SNX31: variants seen among roughly 807,000 people sequenced by gnomAD.
SNX31 encodes the protein sorting nexin 31, also known as sorting nexin-31.
Under a neutral mutation model 65.4 loss-of-function variants are expected in SNX31, and 58 were observed. The ratio of observed to expected loss-of-function variants is 0.89; its 90% confidence interval spans 0.72 to 1.10. The LOEUF is 1.10. Ranked by LOEUF, SNX31 falls within the 50% of genes least tolerant of loss-of-function variation. The pLI, the probability that SNX31 is intolerant of heterozygous loss-of-function variation, is 0.00. For missense variants in SNX31, 523 were observed against 529.7 expected (o/e 0.99, Z 0.12); for synonymous variants, 181 against 190.1 (o/e 0.95, Z 0.39).
intron 12 of SNX31, among the ~76,000 whole-genome samples, chr8:100,580,979 T>G (rs1222198989): frequency 6.6e-6 from 1 of 152,142 alleles, no homozygotes; most frequent in Non-Finnish European, 1.5e-5. Context: ...TACACTTTTT[T>G]TTTCTTCCAG....
intron 3 of SNX31, among the ~76,000 whole-genome samples, chr8:100,633,727 AAAAGAT>A (rs1818563809): frequency 6.6e-6 from 1 of 152,204 alleles, no homozygotes; most frequent in Non-Finnish European, 1.5e-5. Context: ...GAGTCTAAAA[AAAAGAT>A]ATAGAGAGAT....
At chr8:100,618,400 G>T in intron 4 of SNX31, 3 of 1,370,464 alleles carry the variant, frequency 2.2e-6, no homozygotes, top group Non-Finnish European at 2.0e-6. Flanking sequence ...AATTGTGGGT[G>T]GGGGCAGGGG....
rs2130965751 is a variant in SNX31, at chr8:100,604,519, C to T, written c.681+3975G>A. Among the ~76,000 whole-genome samples, 2 of 152,314 alleles carry T rather than the reference C, an allele frequency of 1.3e-5. No homozygotes were observed. Among genetic ancestry groups the T allele is most frequent in the South Asian group, 2.1e-4 (1 of 4,828 alleles). On this transcript the variant is annotated intron_variant, in intron 8 of 13. Coordinates refer to ENST00000311812, the MANE Select transcript of SNX31 (RefSeq NM_152628.4). This position sits in a 1 kb window ranked among gnomAD's most constrained non-coding sequence, Gnocchi z 4.3. ...GGAGTCAGGAAGCCAAAGGTCAGCC[C>T]CCCTCCACTCACCAAGCCATGGGCC...
chr8:100,573,919 A>C lies in SNX31; in HGVS notation c.1269T>G (p.Ile423Met), dbSNP rs141889730. ...YSSFLSRKSK[I>M]KIAKDDCVFG... is the part of the protein sequence containing the mutation. ...AAACGCAGTCATCTTTAGCTATCTT[A>C]ATCTTGCTTTTTCTTGATAGAAAAC... is the stretch of plus-strand genomic sequence containing the variant. Residue 423 changes from isoleucine to methionine, a missense_variant, in exon 14 of 14, where the codon ATT becomes ATG. Coordinates refer to ENST00000311812, the MANE Select transcript of SNX31 (RefSeq NM_152628.4). 8.4e-5 allele frequency: 134 copies of C among 1,588,592 alleles called. No individual in the cohort carries two copies. Among genetic ancestry groups the C allele is most frequent in the Non-Finnish European group, 1.1e-4 (132 of 1,169,582 alleles).
At chr8:100,658,869 C>T (rs1336250470) in intron 1 of SNX31, among the ~76,000 whole-genome samples, 1 of 152,182 alleles carries the variant, frequency 6.6e-6, no homozygotes, top group Non-Finnish European at 1.5e-5. Context: ...TTTGATCACT[C>T]CTGGTGGGAC....
chr8:100,579,975 C>T (rs1813353799), intron 12 of SNX31, among the ~76,000 whole-genome samples: 1 of 151,912 alleles, frequency 6.6e-6, no homozygotes. Flanking sequence ...GCCTGGGCAA[C>T]ATAGTGAGAC....
intron 3 of SNX31, among the ~76,000 whole-genome samples, chr8:100,634,724 G>A (rs991513411): frequency 1.3e-5 from 2 of 150,916 alleles, no homozygotes; most frequent in Admixed American, 6.6e-5. Flanking sequence ...ACTCCAGCCT[G>A]GGCGACAGAG....
At position 100,649,385 on chromosome 8, in the gene SNX31, A is replaced by C. The variant is rs373256425; in HGVS notation, c.67-37T>G. ...CAGACACCCCGTCCCTGGTGAGCCG[A>C]GGGATAAGTGAGCATTGCCACCGGC... On this transcript the variant is annotated intron_variant, in intron 1 of 13. Transcript: ENST00000311812. 1.7e-3 allele frequency: 2,661 copies of C among 1,612,006 alleles called. 59 individuals carry two copies. In the South Asian group the frequency reaches 0.028, roughly 17 times the overall value.
chr8:100,602,815 G>A (rs72679776), intron 8 of SNX31, among the ~76,000 whole-genome samples: 2,166 of 152,250 alleles, frequency 0.014, 34 homozygotes, highest in Non-Finnish European at 0.024. Context: ...ACTTAGAATG[G>A]CATGCAATTT....
At chr8:100,590,202 G>T (rs1814438119) in intron 10 of SNX31, among the ~76,000 whole-genome samples, 2 of 152,188 alleles carry the variant, frequency 1.3e-5, no homozygotes, top group Middle Eastern at 3.2e-3. Flanking sequence ...CCTTCCTGCA[G>T]ATTATATGCA....
In SNX31 at chr8:100,626,065, A is replaced by G. The variant is rs1818021476; in HGVS notation, c.321+4262T>C. The stretch of plus-strand genomic sequence containing the variant: ...AACATGGAGAAACCCCATCTCTACT[A>G]AAATACAAAAATTAACTGGGTGTGG... On this transcript the variant is annotated intron_variant, in intron 4 of 13. Coordinates refer to ENST00000311812, the MANE Select transcript of SNX31 (RefSeq NM_152628.4). This position sits in a 1 kb window ranked among gnomAD's most constrained non-coding sequence, Gnocchi z 4.4. 6.6e-6 allele frequency among the ~76,000 whole-genome samples: 1 copy of G among 152,168 alleles called. No homozygotes were observed. The highest frequency in any genetic ancestry group is 1.5e-5 in the Non-Finnish European group (1 of 68,024).
chr8:100,592,383 CAG>C (rs1378605688), intron 10 of SNX31, among the ~76,000 whole-genome samples: 3 of 151,902 alleles, frequency 2.0e-5, no homozygotes, highest in Non-Finnish European at 2.9e-5. Flanking sequence ...ACAAATAAAG[CAG>C]AGAGAGAAAA....
chr8:100,641,561 A>ATATAT (rs1563580340), intron 2 of SNX31, among the ~76,000 whole-genome samples: 1 of 28,684 alleles, frequency 3.5e-5, no homozygotes, highest in Non-Finnish European at 5.6e-5. Context: ...AAAAAAAAAA[A>ATATAT]AAAAATATAT....
At chr8:100,636,043 G>A (rs2155882) in intron 2 of SNX31, 32 bp from the exon 3 acceptor site, 143,364 of 1,538,032 alleles carry the variant, frequency 0.093, 8,054 homozygotes, top group African/African-American at 0.26. Flanking sequence ...GTTAAGGCAG[G>A]TGAGCCGCCA....
In SNX31 at chr8:100,576,670, T is replaced by C. The variant is rs1010606400; in HGVS notation, c.1227+349A>G. On this transcript the variant is annotated intron_variant, in intron 13 of 13. Transcript: ENST00000311812. The surrounding 1 kb of genome is among the most constrained non-coding windows in gnomAD (Gnocchi z 4.8). ...AACTTAAAAGTTGCTTTATACAGAG[T>C]ATACTGCAGAAAACTATGAGACCAA... is the stretch of plus-strand genomic sequence containing the variant. Among the ~76,000 whole-genome samples the C allele has an allele frequency of 6.6e-6, 1 of 152,018 alleles. No homozygotes were observed. The highest frequency in any genetic ancestry group is 2.4e-5 in the African/African-American group (1 of 41,372).
intron 2 of SNX31, among the ~76,000 whole-genome samples, chr8:100,643,435 T>A (rs7815562): frequency 0.48 from 73,055 of 151,860 alleles, 17,877 homozygotes; most frequent in African/African-American, 0.56. Context: ...CGACTCATTC[T>A]TCCCACCTCT....
intron 2 of SNX31, among the ~76,000 whole-genome samples, chr8:100,641,565 A>AAAAAAAAAAATAT (rs1554587369): frequency 1.9e-4 from 6 of 32,104 alleles, no homozygotes; most frequent in Non-Finnish European, 3.2e-4. Flanking sequence ...AAAAAAAAAA[A>AAAAAAAAAAATAT]ATATATATAT....
chr8:100,608,715 C>G, intron 7 of SNX31, 152 bp from the exon 8 acceptor site: 1 of 670,774 alleles, frequency 1.5e-6, no homozygotes, highest in South Asian at 1.7e-5. Flanking sequence ...TTTCACTCTG[C>G]CCCTCCACCT....
intron 2 of SNX31, among the ~76,000 whole-genome samples, chr8:100,639,365 C>T (rs1818997794): frequency 6.6e-6 from 1 of 152,138 alleles, no homozygotes. Flanking sequence ...AGTCTGTAAA[C>T]TAAAGGCAAA....
Sources: gnomAD v4.1 joint callset for allele counts (sites outside exome capture counted in the v4.1 genomes callset) on GRCh38, gnomAD v4.1.1 for gene constraint, Gnocchi (gnomAD v3.1) non-coding constraint, MANE v1.5 for transcripts, NCBI Gene and HGNC (gene_info 2026-07-23, HGNC 2026-07-21) for gene names.